C1orf167: variants seen among roughly 807,000 people sequenced by gnomAD.
C1orf167 encodes uncharacterized protein C1orf167.
Under a neutral mutation model 176.5 loss-of-function variants are expected in C1orf167, and 153 were observed. That is an observed-to-expected ratio of 0.87 (90% confidence interval 0.76 to 0.99). The LOEUF is 0.99. Among genes scored for constraint, C1orf167 ranks in the 50% least tolerant of loss-of-function variants. The pLI is 0.00. For synonymous variants in C1orf167, 594 were observed against 752.7 expected (o/e 0.79, Z 3.45); for missense variants, 1,490 against 1,817.7 (o/e 0.82, Z 3.28).
At chr1:11,788,891 C>T (rs780200493) in intron 20 of C1orf167, 145 bp downstream of exon 20, 2 of 547,610 alleles carry the variant, frequency 3.7e-6, no homozygotes, top group Non-Finnish European at 5.9e-6. Context: ...GGGTCAGTTC[C>T]ATTACAGAAC....
At chr1:11,765,643 C>T (rs566988038) in intron 2 of C1orf167, among the ~76,000 whole-genome samples, 9 of 152,266 alleles carry the variant, frequency 5.9e-5, no homozygotes, top group African/African-American at 2.2e-4. Flanking sequence ...TCTCTGCTTC[C>T]CTCTGTCCAG....
At chr1:11,776,061 A>G (rs1013945236) in intron 9 of C1orf167, among the ~76,000 whole-genome samples, 8 of 152,208 alleles carry the variant, frequency 5.3e-5, no homozygotes, top group Admixed American at 2.6e-4. Flanking sequence ...GTTCCAGACC[A>G]GCCTGGCCAA....
chr1:11,774,250 T>C (rs1360433442), intron 8 of C1orf167, among the ~76,000 whole-genome samples: 2 of 151,890 alleles, frequency 1.3e-5, no homozygotes, highest in Admixed American at 6.6e-5. Flanking sequence ...TGGTGAGCCA[T>C]GATCGCACCA....
rs962210907 is a variant in C1orf167 at position 11,766,530 on chromosome 1, G to T, written c.744G>T (p.Ala248=). ...HQLLASVHCL[A]QEAARLRCQA... The stretch of plus-strand genomic sequence containing the variant: ...TGCTGGCTTCTGTACATTGCCTGGC[G>T]CAGGAGGCAGCCCGACTCAGGTGCC... The change falls in exon 3 of 21, where the codon GCG becomes GCT. Residue 248 remains alanine (A), a synonymous_variant. Coordinates refer to ENST00000688073, the MANE Select transcript of C1orf167 (RefSeq NM_001010881.2). This position sits in a 1 kb window ranked among gnomAD's most constrained non-coding sequence, Gnocchi z 4.5. 5 of 1,254,314 alleles carry T rather than the reference G, an allele frequency of 4.0e-6. No homozygotes were observed. In the Admixed American group the frequency reaches 9.9e-5, roughly 25 times the overall value. The allele number at this position is 1,254,314 out of a possible 1,614,324, so 77.7% of individuals were successfully genotyped here.
intron 2 of C1orf167, among the ~76,000 whole-genome samples, chr1:11,764,781 G>A (rs1057389711): frequency 2.0e-5 from 3 of 152,320 alleles, no homozygotes; most frequent in Middle Eastern, 3.4e-3. Context: ...AGGGCCGGGC[G>A]TGGTGGCTCA....
intron 13 of C1orf167, 49 bp downstream of exon 13, chr1:11,780,059 G>T (rs1643523455): frequency 1.6e-6 from 2 of 1,215,842 alleles, no homozygotes; most frequent in South Asian, 1.4e-5. Context: ...CAGGGCCAGG[G>T]TCTGTCTGAG....
chr1:11,787,452 TG>T lies in C1orf167; in HGVS notation c.3635del (p.Gly1212ValfsTer94). ...VPPAPSLQCS[L>X]GGRRKPRGTA... ...CCCGCGCCATCACTGCAGTGCAGCCTGGGTGGACGGAGGAAGCCAAGGGGAA... is the reference window on the plus strand; with the variant it reads ...CCCGCGCCATCACTGCAGTGCAGCCTGGTGGACGGAGGAAGCCAAGGGGAA... On this transcript the variant is annotated frameshift_variant, in exon 17 of 21. Transcript: ENST00000688073. LOFTEE classifies it high-confidence loss of function. 1 of 1,303,476 alleles carries T rather than the reference TG, an allele frequency of 7.7e-7. No individual in the cohort carries two copies. The highest frequency in any genetic ancestry group is 1.5e-5 in the African/African-American group (1 of 65,968). The allele number at this position is 1,303,476 out of a possible 1,614,324, so 80.7% of individuals were successfully genotyped here.
intron 8 of C1orf167, among the ~76,000 whole-genome samples, chr1:11,774,389 G>T (rs1023413827): frequency 6.6e-6 from 1 of 152,034 alleles, no homozygotes; most frequent in African/African-American, 2.4e-5. Flanking sequence ...TCATTTTTTT[G>T]ATTGCACGTT....
At chr1:11,789,161 G>A in intron 20 of C1orf167, 109 bp from the exon 21 acceptor site, 1 of 1,096,914 alleles carries the variant, frequency 9.1e-7, no homozygotes, top group Non-Finnish European at 1.2e-6. Flanking sequence ...GGCAGAGGGA[G>A]GGGCCCTGGG....
intron 6 of C1orf167, among the ~76,000 whole-genome samples, chr1:11,769,691 A>G (rs370564519): frequency 1.1e-5 from 1 of 87,232 alleles, no homozygotes; most frequent in South Asian, 4.4e-4. Flanking sequence ...TTTTTTTTTG[A>G]GATGGAGTCT....
At position 11,762,239 on chromosome 1, in the gene C1orf167, C is replaced by T. The variant is rs1249874762; in HGVS notation, c.-137C>T. On this transcript the variant is annotated 5_prime_UTR_variant, in exon 1 of 21. Transcript: ENST00000688073. ...CCTGCCGACCTGCGGGGATCGTTAG[C>T]GGTCCCAGCCCCCGTCTAGATTCAA... 2 of 440,126 alleles carry T rather than the reference C, an allele frequency of 4.5e-6. No homozygotes were observed. Among genetic ancestry groups the T allele is most frequent in the Non-Finnish European group, 9.2e-6 (2 of 216,806 alleles). 27.3% of individuals were successfully genotyped at this position (440,126 alleles called of 1,614,324 possible). A position where few individuals can be genotyped will look rare whatever the true frequency, so the allele number is the denominator to read the frequency against.
chr1:11,764,610 C>G, intron 2 of C1orf167, 140 bp downstream of exon 2: 1 of 639,452 alleles, frequency 1.6e-6, no homozygotes, highest in Admixed American at 2.8e-5. Context: ...GTCGGCTGGA[C>G]ATAGGACAGA....
chr1:11,776,365 A>C, intron 9 of C1orf167, 99 bp from the exon 10 acceptor site: 2 of 1,096,906 alleles, frequency 1.8e-6, no homozygotes, highest in Non-Finnish European at 2.4e-6. Context: ...ACAAGAGGGG[A>C]GAGCTCCCAA....
chr1:11,784,829 G>A (rs537101792), intron 15 of C1orf167, among the ~76,000 whole-genome samples: 1 of 152,344 alleles, frequency 6.6e-6, no homozygotes, highest in South Asian at 2.1e-4. Context: ...ATGCCTTGCA[G>A]TCACCAGCAC....
Position 11,788,760 on chromosome 1 carries a change from C to T in C1orf167, c.4173+14C>T. On this transcript the variant is annotated intron_variant, in intron 20 of 20. Transcript: ENST00000688073. Reference sequence around the variant, plus strand: ...GCAGGAAGATGGGTGGGTCCTTTCCCAGGTACTGCCCTCTTCCCTGCATTC... The same window carrying T: ...GCAGGAAGATGGGTGGGTCCTTTCCTAGGTACTGCCCTCTTCCCTGCATTC... 1 of 1,303,328 alleles carries T rather than the reference C, an allele frequency of 7.7e-7. No individual in the cohort carries two copies. The highest frequency in any genetic ancestry group is 1.0e-6 in the Non-Finnish European group (1 of 988,250). 80.7% of individuals were successfully genotyped at this position (1,303,328 alleles called of 1,614,324 possible).
intron 6 of C1orf167, among the ~76,000 whole-genome samples, chr1:11,769,892 G>C (rs1642973163): frequency 6.6e-6 from 1 of 152,056 alleles, no homozygotes; most frequent in Non-Finnish European, 1.5e-5. Flanking sequence ...AGGACCTCAA[G>C]TGATCCACCT....
At position 11,768,367 on chromosome 1, in the gene C1orf167, C is replaced by G. The variant is rs753609969; in HGVS notation, c.1542+92C>G. On this transcript the variant is annotated intron_variant, in intron 5 of 20. Coordinates refer to ENST00000688073, the MANE Select transcript of C1orf167 (RefSeq NM_001010881.2). This position sits in a 1 kb window ranked among gnomAD's most constrained non-coding sequence, Gnocchi z 4.5. ...GTCTACGGAGAGGACACCCACTGGG[C>G]ATAGGTGGCACCTCATGAATGATCA... 1.6e-5 allele frequency: 18 copies of G among 1,096,882 alleles called. No individual in the cohort carries two copies. Among genetic ancestry groups the G allele is most frequent in the Non-Finnish European group, 2.2e-5 (18 of 831,350 alleles). 67.9% of individuals were successfully genotyped at this position (1,096,882 alleles called of 1,614,324 possible). A position where few individuals can be genotyped will look rare whatever the true frequency, so the allele number is the denominator to read the frequency against.
chr1:11,779,612 C>G, intron 12 of C1orf167, 190 bp from the exon 13 acceptor site: 1 of 352,084 alleles, frequency 2.8e-6, no homozygotes, highest in South Asian at 2.3e-5. Flanking sequence ...CCCCACCACT[C>G]ATCATCGTGA....
intron 2 of C1orf167, 78 bp downstream of exon 2, chr1:11,764,548 C>T: frequency 8.4e-7 from 1 of 1,196,254 alleles, no homozygotes; most frequent in Non-Finnish European, 1.1e-6. Flanking sequence ...GCCCCCCTCC[C>T]AGGCAGGCCA....
Sources: gnomAD v4.1 joint callset for allele counts (sites outside exome capture counted in the v4.1 genomes callset) on GRCh38, gnomAD v4.1.1 for gene constraint, Gnocchi (gnomAD v3.1) non-coding constraint, MANE v1.5 for transcripts, NCBI Gene and HGNC (gene_info 2026-07-23, HGNC 2026-07-21) for gene names.